The following PLD5 variants were observed in gnomAD, a reference collection of about 807,000 sequenced individuals.
PLD5 encodes inactive phospholipase D5.
PLD5 carries 36 observed loss-of-function variants against 61.1 expected under a neutral mutation model. That is an observed-to-expected ratio of 0.59 (90% CI 0.45 to 0.78). PLD5 has a LOEUF of 0.78. Ranked by LOEUF, PLD5 falls within the 30% of genes least tolerant of loss-of-function variation. PLD5 has a pLI of 0.00. For synonymous variants in PLD5, 243 were observed against 242.8 expected (o/e 1.00, Z -0.01); for missense variants, 515 against 644.4 (o/e 0.80, Z 2.17).
chr1:242,310,482 T>C (rs1262898319), intron 2 of PLD5, among the ~76,000 whole-genome samples: 6 of 152,108 alleles, frequency 3.9e-5, no homozygotes, highest in African/African-American at 1.4e-4. Flanking sequence ...ATAATCATGA[T>C]TGAGTTTGGG....
At chr1:242,288,987 C>T (rs1675192587) in intron 2 of PLD5, among the ~76,000 whole-genome samples, 1 of 152,118 alleles carries the variant, frequency 6.6e-6, no homozygotes, top group Admixed American at 6.5e-5. Context: ...TACATTGGAA[C>T]TCAATAAATG....
At chr1:242,436,866 TA>T (rs1441513512) in intron 1 of PLD5, among the ~76,000 whole-genome samples, 1 of 152,220 alleles carries the variant, frequency 6.6e-6, no homozygotes, top group Non-Finnish European at 1.5e-5. Flanking sequence ...ATTTAATATT[TA>T]TTCTAAGACA....
intron 4 of PLD5, among the ~76,000 whole-genome samples, chr1:242,220,627 C>T (rs1462733155): frequency 6.6e-6 from 1 of 152,022 alleles, no homozygotes; most frequent in African/African-American, 2.4e-5. Flanking sequence ...CTTGCTTTTA[C>T]TTCTTCATTC....
chr1:242,300,609 A>T (rs1675980218), intron 2 of PLD5, among the ~76,000 whole-genome samples: 1 of 152,226 alleles, frequency 6.6e-6, no homozygotes, highest in African/African-American at 2.4e-5. Flanking sequence ...GAGTTAAATT[A>T]CACAGGGCTA....
At chr1:242,139,702 G>C (rs927651812) in intron 5 of PLD5, among the ~76,000 whole-genome samples, 2 of 152,182 alleles carry the variant, frequency 1.3e-5, no homozygotes, top group Admixed American at 1.3e-4. Flanking sequence ...TTCCTCTTGA[G>C]GTTCTTGTCA....
At position 242,100,785 on chromosome 1, in the gene PLD5, G is replaced by GC; in HGVS notation, c.1240-4_1240-3insG. The stretch of plus-strand genomic sequence containing the variant: ...TCTCTTTCCAGATCAAAAAATTTCT[G>GC]TAAGAAAAAAAAAAAGGGGGCAGGT... On this transcript the variant is annotated splice_polypyrimidine_tract_variant and splice_region_variant and intron_variant, in intron 8 of 9. Coordinates refer to ENST00000536534, the MANE Select transcript of PLD5 (RefSeq NM_001372062.1). 6.3e-7 allele frequency: 1 copy of GC among 1,581,838 alleles called. No individual in the cohort carries two copies. Among genetic ancestry groups the GC allele is most frequent in the Admixed American group, 1.8e-5 (1 of 54,800 alleles).
chr1:242,368,960 C>G (rs1420298722), intron 1 of PLD5, among the ~76,000 whole-genome samples: 1 of 152,150 alleles, frequency 6.6e-6, no homozygotes, highest in Admixed American at 6.6e-5. Flanking sequence ...TGTGTCACCA[C>G]CGTTTGCTCA....
chr1:242,162,130 A>G (rs1316650880), intron 5 of PLD5, among the ~76,000 whole-genome samples: 3 of 152,190 alleles, frequency 2.0e-5, no homozygotes, highest in Non-Finnish European at 4.4e-5. Flanking sequence ...TGGGGTTGGA[A>G]GCTAAATTCT....
At chr1:242,441,173 A>G (rs933186500) in intron 1 of PLD5, among the ~76,000 whole-genome samples, 1 of 152,224 alleles carries the variant, frequency 6.6e-6, no homozygotes, top group African/African-American at 2.4e-5. Context: ...CTAGCCATCA[A>G]GAGTATAATA....
At chr1:242,363,868 A>T (rs1661201376) in intron 1 of PLD5, among the ~76,000 whole-genome samples, 1 of 152,256 alleles carries the variant, frequency 6.6e-6, no homozygotes, top group Non-Finnish European at 1.5e-5. Context: ...TAGACACAAC[A>T]TGCGAAAAGA....
chr1:242,234,982 G>C (rs956193441), intron 4 of PLD5, among the ~76,000 whole-genome samples: 2 of 152,016 alleles, frequency 1.3e-5, no homozygotes, highest in Non-Finnish European at 1.5e-5. Flanking sequence ...CCTGTGCCTT[G>C]GTTTTCTTCT....
intron 2 of PLD5, among the ~76,000 whole-genome samples, chr1:242,318,434 C>G (rs1269317602): frequency 6.6e-6 from 1 of 152,176 alleles, no homozygotes; most frequent in Non-Finnish European, 1.5e-5. Context: ...CTTGGGCCAG[C>G]TGCCAGACAA....
At chr1:242,328,164 T>C (rs1199203004) in intron 2 of PLD5, among the ~76,000 whole-genome samples, 8 of 152,128 alleles carry the variant, frequency 5.3e-5, no homozygotes, top group Non-Finnish European at 1.0e-4. Flanking sequence ...GAAAGAAAAC[T>C]ATTAGGAGTG....
chr1:242,252,921 G>A (rs566402290), intron 4 of PLD5, among the ~76,000 whole-genome samples: 1 of 146,322 alleles, frequency 6.8e-6, no homozygotes, highest in Non-Finnish European at 1.5e-5. Flanking sequence ...AGTTCAAACA[G>A]TTCTCCTGCC....
At chr1:242,468,144 T>A (rs1206799052) in intron 1 of PLD5, among the ~76,000 whole-genome samples, 1 of 152,188 alleles carries the variant, frequency 6.6e-6, no homozygotes, top group Non-Finnish European at 1.5e-5. Context: ...GTATTTTGAG[T>A]TCCAAAACAA....
intron 1 of PLD5, among the ~76,000 whole-genome samples, chr1:242,389,990 G>C (rs952495111): frequency 1.4e-5 from 2 of 147,334 alleles, no homozygotes; most frequent in African/African-American, 5.1e-5. Context: ...CAAATACTCT[G>C]CTAGGAATAA....
At chr1:242,348,799 A>C (rs1421420036) in intron 1 of PLD5, among the ~76,000 whole-genome samples, 1 of 152,194 alleles carries the variant, frequency 6.6e-6, no homozygotes, top group East Asian at 1.9e-4. Context: ...TCATGCCTGT[A>C]ATCCTAGCAC....
intron 1 of PLD5, among the ~76,000 whole-genome samples, chr1:242,493,827 C>T (rs186239148): frequency 6.6e-6 from 1 of 152,310 alleles, no homozygotes; most frequent in African/African-American, 2.4e-5. Context: ...GAGAGGAACC[C>T]ATAACATGAA....
intron 1 of PLD5, among the ~76,000 whole-genome samples, chr1:242,356,677 T>C (rs970602027): frequency 6.6e-6 from 1 of 151,582 alleles, no homozygotes; most frequent in Non-Finnish European, 1.5e-5. Flanking sequence ...CTATGGTGTA[T>C]GGTTTCCTTA....
Sources: gnomAD v4.1 joint callset for allele counts (sites outside exome capture counted in the v4.1 genomes callset) on GRCh38, gnomAD v4.1.1 for gene constraint, MANE v1.5 for transcripts, NCBI Gene and HGNC (gene_info 2026-07-23, HGNC 2026-07-21) for gene names.